CTNNBL1: variants seen among roughly 807,000 people sequenced by gnomAD.
CTNNBL1 encodes catenin beta like 1, also known as beta-catenin-like protein 1.
A neutral mutation model predicts 72.7 loss-of-function variants in CTNNBL1; 31 were observed. The observed-to-expected ratio is 0.43, with a 90% CI of 0.32 to 0.58. The LOEUF (loss-of-function observed/expected upper bound fraction) is 0.58. CTNNBL1 is among the 20% of genes least tolerant of loss of function. The pLI is 0.08. For missense variants in CTNNBL1, 534 were observed against 725.1 expected (o/e 0.74, Z 3.03); for synonymous variants, 240 against 267.3 (o/e 0.90, Z 1.00).
At chr20:37,715,426 G>GT (rs1236175437) in intron 1 of CTNNBL1, among the ~76,000 whole-genome samples, 3 of 152,206 alleles carry the variant, frequency 2.0e-5, no homozygotes, top group African/African-American at 7.2e-5. Context: ...ATAGTTAATG[G>GT]TAACTGTTGA....
intron 1 of CTNNBL1, among the ~76,000 whole-genome samples, chr20:37,726,056 G>C (rs2073081916): frequency 6.6e-6 from 1 of 152,190 alleles, no homozygotes; most frequent in Non-Finnish European, 1.5e-5. Flanking sequence ...CTGTGTGAAA[G>C]AGGTTATTGT....
chr20:37,803,040 A>G lies in CTNNBL1; in HGVS notation c.1205A>G (p.Glu402Gly). 6.2e-7 allele frequency: 1 copy of G among 1,613,912 alleles called. No individual in the cohort carries two copies. Among genetic ancestry groups the G allele is most frequent in the South Asian group, 1.1e-5 (1 of 91,054 alleles). The change falls in exon 11 of 16, where the codon GAA becomes GGA. Residue 402 changes from glutamate to glycine, a missense_variant. Coordinates refer to ENST00000361383, the MANE Select transcript of CTNNBL1 (RefSeq NM_030877.5). ...AAGAAAGTGGGAACCACTGAGAAGG[A>G]ACATGAAGGTAGGGTTCACTGGAGG... ...KIKKVGTTEK[E>G]HEEHVCSILA...
At chr20:37,748,562 A>G (rs1017283149) in intron 4 of CTNNBL1, among the ~76,000 whole-genome samples, 1 of 152,216 alleles carries the variant, frequency 6.6e-6, no homozygotes, top group African/African-American at 2.4e-5. Flanking sequence ...CAGTAAGTAT[A>G]TATTGGGTAT....
intron 1 of CTNNBL1, among the ~76,000 whole-genome samples, chr20:37,698,449 G>A (rs964181148): frequency 1.2e-4 from 19 of 152,162 alleles, no homozygotes; most frequent in African/African-American, 4.3e-4. Flanking sequence ...CTCAATTCAA[G>A]GCTAAGTTTC....
chr20:37,860,087 G>A (rs369672485), intron 14 of CTNNBL1, 51 bp downstream of exon 14: 13 of 1,574,738 alleles, frequency 8.3e-6, no homozygotes, highest in African/African-American at 4.6e-5. Context: ...CTCCTTCCTC[G>A]CCAGCTGCTT....
chr20:37,707,819 A>G (rs2072900985), intron 1 of CTNNBL1, among the ~76,000 whole-genome samples: 1 of 152,178 alleles, frequency 6.6e-6, no homozygotes, highest in Non-Finnish European at 1.5e-5. Context: ...TTTTGATTTA[A>G]AGTGAGAGAT....
In CTNNBL1 at chr20:37,803,538, A is replaced by G. The variant is rs909050574; in HGVS notation, c.1213+490A>G. ...TGCACGCTCCCAGCAAAATGCTGCC[A>G]TGAATTGTGACGCTGTAACCAGAGT... On this transcript the variant is annotated intron_variant, in intron 11 of 15. Coordinates refer to ENST00000361383, the MANE Select transcript of CTNNBL1 (RefSeq NM_030877.5). Among the ~76,000 whole-genome samples the G allele has an allele frequency of 2.0e-5, 3 of 152,156 alleles. No individual in the cohort carries two copies. The East Asian group carries it at 5.8e-4, about 29-fold the overall frequency.
chr20:37,791,238 C>T (rs2073722420), intron 10 of CTNNBL1, among the ~76,000 whole-genome samples: 1 of 152,162 alleles, frequency 6.6e-6, no homozygotes. Flanking sequence ...TTTGGGCAGA[C>T]ATTGTAAATT....
Position 37,840,291 on chromosome 20 carries a change from C to G in CTNNBL1, c.1311+92C>G, listed in dbSNP as rs575047479. 1.1e-5 allele frequency: 10 copies of G among 949,924 alleles called. 1 individual carries two copies. Among genetic ancestry groups the G allele is most frequent in the Admixed American group, 2.0e-5 (1 of 48,814 alleles). 58.8% of individuals were successfully genotyped at this position (949,924 alleles called of 1,614,324 possible). A position where few individuals can be genotyped will look rare whatever the true frequency, so the allele number is the denominator to read the frequency against. ...CTGAGGGATACTGGGTTGAGTGGTC[C>G]TACCCTAAAATTCTCTTTTCTGGCA... On this transcript the variant is annotated intron_variant, in intron 12 of 15. Transcript: ENST00000361383.
intron 10 of CTNNBL1, among the ~76,000 whole-genome samples, chr20:37,787,375 C>T (rs1163048382): frequency 1.5e-4 from 19 of 125,708 alleles, no homozygotes; most frequent in East Asian, 2.5e-4. Flanking sequence ...GACGGAGTCT[C>T]GCTCTGTCGC....
chr20:37,789,908 A>G (rs919498144), intron 10 of CTNNBL1, among the ~76,000 whole-genome samples: 1 of 152,240 alleles, frequency 6.6e-6, no homozygotes, highest in Non-Finnish European at 1.5e-5. Flanking sequence ...GACCACTGTG[A>G]TCCCAGGGGA....
chr20:37,748,328 A>C (rs1280851943), intron 4 of CTNNBL1, among the ~76,000 whole-genome samples: 1 of 152,248 alleles, frequency 6.6e-6, no homozygotes, highest in Admixed American at 6.5e-5. Flanking sequence ...AGATAGCATC[A>C]AGAATTGATC....
At chr20:37,858,843 T>C (rs1453998562) in intron 13 of CTNNBL1, among the ~76,000 whole-genome samples, 1 of 152,128 alleles carries the variant, frequency 6.6e-6, no homozygotes, top group Non-Finnish European at 1.5e-5. Flanking sequence ...GGCTTTGGCC[T>C]GGGGAGTGTT....
At chr20:37,844,756 G>T (rs908558789) in intron 13 of CTNNBL1, among the ~76,000 whole-genome samples, 1 of 152,102 alleles carries the variant, frequency 6.6e-6, no homozygotes, top group Non-Finnish European at 1.5e-5. Context: ...AGACCAGCCT[G>T]GCCGACAAAG....
At chr20:37,751,813 G>T (rs548571421) in intron 4 of CTNNBL1, 10 of 152,214 alleles carry the variant, frequency 6.6e-5, no homozygotes, top group Non-Finnish European at 1.3e-4. Flanking sequence ...TGTCCCGTAA[G>T]CACTGTCTAA....
chr20:37,700,126 G>C (rs2072827474), intron 1 of CTNNBL1, among the ~76,000 whole-genome samples: 1 of 152,080 alleles, frequency 6.6e-6, no homozygotes, highest in Non-Finnish European at 1.5e-5. Context: ...GGGAGATTTG[G>C]GTTTTAATCC....
chr20:37,789,449 A>G (rs2073705762), intron 10 of CTNNBL1, among the ~76,000 whole-genome samples: 1 of 152,220 alleles, frequency 6.6e-6, no homozygotes, highest in Non-Finnish European at 1.5e-5. Context: ...AAAAGTCACA[A>G]TTTATTGTGC....
At chr20:37,855,985 C>T (rs1165850260) in intron 13 of CTNNBL1, among the ~76,000 whole-genome samples, 1 of 152,096 alleles carries the variant, frequency 6.6e-6, no homozygotes, top group African/African-American at 2.4e-5. Context: ...GCCTGTAATC[C>T]CAGCACTTTG....
Position 37,694,078 on chromosome 20 carries a change from T to G in CTNNBL1, c.-45T>G. ...AGCCGCGGCTGACGGGCCCGCGGTC[T>G]GGGCGTGAGTGCAGGGAAGTGGAGT... On this transcript the variant is annotated 5_prime_UTR_variant, in exon 1 of 16. Coordinates refer to ENST00000361383, the MANE Select transcript of CTNNBL1 (RefSeq NM_030877.5). 1 of 1,594,692 alleles carries G rather than the reference T, an allele frequency of 6.3e-7. No homozygotes were observed. Among genetic ancestry groups the G allele is most frequent in the Non-Finnish European group, 8.5e-7 (1 of 1,172,170 alleles).
Sources: gnomAD v4.1 joint callset for allele counts (sites outside exome capture counted in the v4.1 genomes callset) on GRCh38, gnomAD v4.1.1 for gene constraint, MANE v1.5 for transcripts, NCBI Gene and HGNC (gene_info 2026-07-23, HGNC 2026-07-21) for gene names.